The following COG3 variants were observed in gnomAD, a reference collection of about 807,000 sequenced individuals.
The protein encoded by COG3 is component of oligomeric golgi complex 3.
In COG3, 32 loss-of-function variants were observed where a neutral mutation model predicts 114.1. The ratio of observed to expected loss-of-function variants is 0.28; its 90% confidence interval spans 0.21 to 0.38. The LOEUF is 0.38. Ranked by LOEUF, COG3 falls within the 10% of genes least tolerant of loss-of-function variation. The probability of loss-of-function intolerance (pLI) is 1.00; values close to 1 mark genes in which losing one functional copy is unlikely to be tolerated. For synonymous variants in COG3, 352 were observed against 365.7 expected (o/e 0.96, Z 0.43); for missense variants, 813 against 973.2 (o/e 0.84, Z 2.19).
At chr13:45,524,153 T>C (rs1593750015) in intron 19 of COG3, among the ~76,000 whole-genome samples, 1 of 152,172 alleles carries the variant, frequency 6.6e-6, no homozygotes, top group Non-Finnish European at 1.5e-5. Flanking sequence ...TTGTATGGCC[T>C]TTTGTCTGAG....
intron 17 of COG3, 89 bp from the exon 18 acceptor site, chr13:45,518,673 C>T: frequency 1.0e-6 from 1 of 974,832 alleles, no homozygotes; most frequent in Non-Finnish European, 1.6e-6. Flanking sequence ...GGCTTTTTGC[C>T]TTGTGGTGGT....
chr13:45,517,692 G>A (rs1236051254), intron 17 of COG3, among the ~76,000 whole-genome samples: 2 of 152,116 alleles, frequency 1.3e-5, no homozygotes, highest in African/African-American at 4.8e-5. Context: ...TCCTTTCAGT[G>A]TGAGGTGTGG....
At position 45,535,727 on chromosome 13, in the gene COG3, A is replaced by G. The variant is rs555229491; in HGVS notation, c.*996A>G. On this transcript the variant is annotated 3_prime_UTR_variant, in exon 23 of 23. Coordinates refer to ENST00000349995, the MANE Select transcript of COG3 (RefSeq NM_031431.4). ...TACAGCAGAATACATTTTACCAGCA[A>G]ACCTAAGGATGACAAACACTATCCA... 1.7e-5 allele frequency: 17 copies of G among 986,718 alleles called. No individual in the cohort carries two copies. The African/African-American group carries it at 2.6e-4, about 15-fold the overall frequency. 61.1% of individuals were successfully genotyped at this position (986,718 alleles called of 1,614,324 possible).
Position 45,473,454 on chromosome 13 carries a change from G to GC in COG3, c.175-2741dup, listed in dbSNP as rs1313757392. Among the ~76,000 whole-genome samples the GC allele has an allele frequency of 3.9e-5, 6 of 152,110 alleles. No individual in the cohort carries two copies. In the East Asian group the frequency reaches 1.2e-3, roughly 29 times the overall value. On this transcript the variant is annotated intron_variant, in intron 1 of 22. Coordinates refer to ENST00000349995, the MANE Select transcript of COG3 (RefSeq NM_031431.4). ...TCCAAATCTGAGCCATATCACCCCG[G>GC]CCCCCCTTAGATATAATCTAAACAG...
intron 17 of COG3, among the ~76,000 whole-genome samples, chr13:45,518,001 G>C (rs898142445): frequency 2.6e-5 from 4 of 152,148 alleles, no homozygotes; most frequent in Admixed American, 6.5e-5. Flanking sequence ...AAAGACAGCA[G>C]ACACAACTAT....
chr13:45,502,794 G>A (rs544643160), intron 13 of COG3, among the ~76,000 whole-genome samples: 11 of 152,066 alleles, frequency 7.2e-5, no homozygotes, highest in Non-Finnish European at 1.3e-4. Context: ...TCTTTGCCCC[G>A]GAATTCCCAA....
chr13:45,522,844 T>C (rs1371073325), intron 19 of COG3, among the ~76,000 whole-genome samples: 1 of 152,214 alleles, frequency 6.6e-6, no homozygotes, highest in African/African-American at 2.4e-5. Flanking sequence ...TTGTACTAAA[T>C]GTTGCTTGAA....
In COG3 at chr13:45,529,757, C is replaced by T. The variant is rs753220854; in HGVS notation, c.2231-34C>T. Reference sequence around the variant, plus strand: ...AAATGGAAATATTTCTTTTCTTTTTCTTTATGACACTAATGAGGTTACTTT... The same window carrying T: ...AAATGGAAATATTTCTTTTCTTTTTTTTTATGACACTAATGAGGTTACTTT... On this transcript the variant is annotated intron_variant, in intron 20 of 22. Coordinates refer to ENST00000349995, the MANE Select transcript of COG3 (RefSeq NM_031431.4). The T allele has an allele frequency of 2.6e-6, 4 of 1,524,348 alleles. No homozygotes were observed. The East Asian group carries it at 6.9e-5, about 26-fold the overall frequency. 94.4% of individuals were successfully genotyped at this position (1,524,348 alleles called of 1,614,324 possible). A position where few individuals can be genotyped will look rare whatever the true frequency, so the allele number is the denominator to read the frequency against.
At chr13:45,481,940 T>G (rs928649710) in intron 5 of COG3, among the ~76,000 whole-genome samples, 2 of 152,176 alleles carry the variant, frequency 1.3e-5, no homozygotes, top group Admixed American at 1.3e-4. Context: ...TAAGAAATGA[T>G]TGACTGGTTG....
chr13:45,513,473 TTA>T lies in COG3; in HGVS notation c.1809+1628_1809+1629del, dbSNP rs1347041767. Among the ~76,000 whole-genome samples the T allele has an allele frequency of 1.2e-3, 52 of 44,588 alleles. 4 individuals are homozygous for T. The highest frequency in any genetic ancestry group is 3.9e-3 in the African/African-American group (34 of 8,666). The allele number at this position is 44,588 out of a possible 152,430, so 29.3% of individuals were successfully genotyped here. ...TATATATATAATATATACATATAAA[TTA>T]TATATATAATATATACATATAAATT... On this transcript the variant is annotated intron_variant, in intron 16 of 22. Coordinates refer to ENST00000349995, the MANE Select transcript of COG3 (RefSeq NM_031431.4).
At chr13:45,482,626 A>T (rs1886320254) in intron 6 of COG3, among the ~76,000 whole-genome samples, 153 bp downstream of exon 6, 1 of 152,204 alleles carries the variant, frequency 6.6e-6, no homozygotes, top group Non-Finnish European at 1.5e-5. Context: ...TCCAAGGGAA[A>T]AATATGTATT....
Position 45,520,157 on chromosome 13 carries a change from C to T in COG3, c.2154+1063C>T, listed in dbSNP as rs117440540. Among the ~76,000 whole-genome samples, 25 of 151,936 alleles carry T rather than the reference C, an allele frequency of 1.6e-4. No individual in the cohort carries two copies. The East Asian group carries it at 4.5e-3, about 27-fold the overall frequency. ...GAACAAAATTAGCCATGTGTAGTGG[C>T]GTGTGCCTATAGTCCCAGGTACTTG... is the stretch of plus-strand genomic sequence containing the variant. On this transcript the variant is annotated intron_variant, in intron 19 of 22. Transcript: ENST00000349995.
In COG3 at chr13:45,507,717, A is replaced by G. The variant is rs1236986641; in HGVS notation, c.1595-1975A>G. Among the ~76,000 whole-genome samples, 3 of 148,592 alleles carry G rather than the reference A, an allele frequency of 2.0e-5. No individual in the cohort carries two copies. In the East Asian group the frequency reaches 6.0e-4, roughly 30 times the overall value. On this transcript the variant is annotated intron_variant, in intron 14 of 22. Coordinates refer to ENST00000349995, the MANE Select transcript of COG3 (RefSeq NM_031431.4). ...TAGGCGGAGGTTGCAGTGAGCTGAG[A>G]TTGTGCCACTGTACTCCAGCCTGGG... is the stretch of plus-strand genomic sequence containing the variant.
At chr13:45,470,159 G>A (rs1462923543) in intron 1 of COG3, among the ~76,000 whole-genome samples, 1 of 152,132 alleles carries the variant, frequency 6.6e-6, no homozygotes, top group Non-Finnish European at 1.5e-5. Flanking sequence ...TGCATATTAA[G>A]TGAAAAAGGG....
chr13:45,491,933 G>T (rs1175940526), intron 10 of COG3, among the ~76,000 whole-genome samples: 1 of 152,118 alleles, frequency 6.6e-6, no homozygotes, highest in Non-Finnish European at 1.5e-5. Flanking sequence ...AAAGTAATTT[G>T]TGTTTATTAT....
chr13:45,500,117 A>ATAT (rs1566257343), intron 13 of COG3, among the ~76,000 whole-genome samples: 4 of 135,166 alleles, frequency 3.0e-5, no homozygotes, highest in African/African-American at 1.1e-4. Context: ...TATATATATA[A>ATAT]AAAAGAGGCC....
intron 8 of COG3, among the ~76,000 whole-genome samples, chr13:45,487,207 A>G (rs1244976509): frequency 6.6e-6 from 1 of 152,232 alleles, no homozygotes; most frequent in Non-Finnish European, 1.5e-5. Context: ...CAGAAAAATG[A>G]AACTAGACCT....
chr13:45,486,703 CT>C, intron 8 of COG3, 128 bp downstream of exon 8: 1 of 693,480 alleles, frequency 1.4e-6, no homozygotes, highest in Non-Finnish European at 2.6e-6. Context: ...TGACATTGTC[CT>C]TCCACATTAT....
rs546082858 is a variant in COG3, at chr13:45,521,717, A to G, written c.2154+2623A>G. ...AGAGAAACAGGAAGATTTTATAGAA[A>G]ACTTTAAAATGATTTTCTTTAAAGG... On this transcript the variant is annotated intron_variant, in intron 19 of 22. Coordinates refer to ENST00000349995, the MANE Select transcript of COG3 (RefSeq NM_031431.4). Among the ~76,000 whole-genome samples the G allele has an allele frequency of 3.5e-4, 54 of 152,326 alleles. 2 individuals are homozygous for G. The highest frequency in any genetic ancestry group is 6.8e-3 in the Middle Eastern group (2 of 294).
Sources: gnomAD v4.1 joint callset for allele counts (sites outside exome capture counted in the v4.1 genomes callset) on GRCh38, gnomAD v4.1.1 for gene constraint, MANE v1.5 for transcripts, NCBI Gene and HGNC (gene_info 2026-07-23, HGNC 2026-07-21) for gene names.